Variants in SGCD observed in about 807,000 individuals in gnomAD.
SGCD encodes the protein delta-sarcoglycan.
In SGCD, 18 loss-of-function variants were observed where a neutral mutation model predicts 36.6. That is an observed-to-expected ratio of 0.49 (90% CI 0.34 to 0.73). The LOEUF (loss-of-function observed/expected upper bound fraction) is 0.73. Ranked by LOEUF, SGCD falls within the 30% of genes least tolerant of loss-of-function variation. The pLI is 0.01. For synonymous variants in SGCD, 133 were observed against 130.6 expected, an observed-to-expected ratio of 1.02 and a Z score of -0.12; for missense variants, 387 against 346.7, an observed-to-expected ratio of 1.12 and a Z score of -0.92.
rs377275826 is a variant in SGCD, at chr5:156,592,535, A to G, written c.383-2397A>G. Among the ~76,000 whole-genome samples, 40 of 151,770 alleles carry G rather than the reference A, an allele frequency of 2.6e-4. No individual in the cohort carries two copies. The South Asian group carries it at 5.2e-3, about 20-fold the overall frequency. On this transcript the variant is annotated intron_variant, in intron 5 of 8. Transcript: ENST00000337851. ...CAGTTTTCTATTTCTCCTTCTCCTC[A>G]CAGATCTTATTTCCTGGCTCTTCCA...
intron 5 of SGCD, among the ~76,000 whole-genome samples, chr5:156,590,170 C>G (rs947297530): frequency 2.0e-5 from 3 of 152,154 alleles, no homozygotes; most frequent in Admixed American, 6.5e-5. Context: ...TTTTGAGAAG[C>G]CAGTTACCCA....
intron 1 of SGCD, among the ~76,000 whole-genome samples, chr5:156,109,764 G>A (rs1428168275): frequency 1.3e-5 from 2 of 151,950 alleles, no homozygotes; most frequent in Non-Finnish European, 2.9e-5. Flanking sequence ...CCACTCATTT[G>A]TGATCCCACA....
At chr5:156,287,271 A>G (rs1332621153) in intron 3 of SGCD, among the ~76,000 whole-genome samples, 1 of 152,146 alleles carries the variant, frequency 6.6e-6, no homozygotes, top group African/African-American at 2.4e-5. Context: ...TATTCAGCAG[A>G]TCTGGAAGGG....
intron 3 of SGCD, among the ~76,000 whole-genome samples, chr5:156,272,429 G>A (rs1329521811): frequency 6.6e-6 from 1 of 152,144 alleles, no homozygotes; most frequent in African/African-American, 2.4e-5. Context: ...TGGTTGATGG[G>A]CACTTACGTC....
At chr5:155,939,166 G>A (rs1757274275) in intron 1 of SGCD, among the ~76,000 whole-genome samples, 1 of 152,094 alleles carries the variant, frequency 6.6e-6, no homozygotes, top group Non-Finnish European at 1.5e-5. Flanking sequence ...AAATAACAAT[G>A]GATTGTATTC....
At chr5:156,072,751 A>G (rs373581656) in intron 1 of SGCD, among the ~76,000 whole-genome samples, 9 of 152,118 alleles carry the variant, frequency 5.9e-5, no homozygotes, top group African/African-American at 2.2e-4. Flanking sequence ...CATTCTCCCC[A>G]TCACTTTCAG....
At chr5:156,393,204 G>A (rs970509841) in intron 3 of SGCD, among the ~76,000 whole-genome samples, 1 of 152,172 alleles carries the variant, frequency 6.6e-6, no homozygotes, top group Non-Finnish European at 1.5e-5. Flanking sequence ...TTGAATAAAT[G>A]AAATGTAATT....
At chr5:155,752,398 C>T in the SGCD span, among the ~76,000 whole-genome samples, 10 of 136,448 alleles carry the variant, frequency 7.3e-5, no homozygotes, top group Non-Finnish European at 8.6e-5. Context: ...TCTGCTTTTC[C>T]TATGATTTCT....
chr5:156,151,827 T>C (rs969453713), intron 3 of SGCD, among the ~76,000 whole-genome samples: 6 of 69,536 alleles, frequency 8.6e-5, no homozygotes, highest in African/African-American at 4.2e-4. Context: ...TCATTTCTTC[T>C]TCTTCTTTTT....
At chr5:156,115,246 G>A (rs529798199) in intron 1 of SGCD, among the ~76,000 whole-genome samples, 101 of 152,194 alleles carry the variant, frequency 6.6e-4, no homozygotes, top group Admixed American at 3.5e-3. Flanking sequence ...ACCACCCTGA[G>A]AGGAGGACTA....
At chr5:156,241,530 A>G (rs1191305465) in intron 3 of SGCD, among the ~76,000 whole-genome samples, 9 of 152,164 alleles carry the variant, frequency 5.9e-5, no homozygotes. Context: ...AGCAGCTAGG[A>G]TAGGACATGT....
intron 4 of SGCD, among the ~76,000 whole-genome samples, chr5:156,519,910 T>C (rs1206772564): frequency 1.3e-5 from 2 of 152,144 alleles, no homozygotes; most frequent in African/African-American, 4.8e-5. Context: ...GCCAATATTA[T>C]ATTGAATGGG....
At chr5:156,564,814 A>G (rs1267783454) in intron 4 of SGCD, among the ~76,000 whole-genome samples, 1 of 152,156 alleles carries the variant, frequency 6.6e-6, no homozygotes, top group Non-Finnish European at 1.5e-5. Context: ...ATGATGTAGC[A>G]TGTGTCATAA....
intron 4 of SGCD, 66 bp downstream of exon 4, chr5:156,508,768 CT>C (rs1457156264): frequency 1.5e-5 from 14 of 948,728 alleles, no homozygotes; most frequent in Non-Finnish European, 1.1e-5. Flanking sequence ...AGGAATTGAT[CT>C]TGCTATCAGC....
chr5:155,785,502 A>AC, the SGCD span, among the ~76,000 whole-genome samples: 1 of 152,120 alleles, frequency 6.6e-6, no homozygotes, highest in Non-Finnish European at 1.5e-5. Flanking sequence ...GTAATAGGAC[A>AC]CCAGAACTTC....
chr5:156,353,259 A>C (rs971022036), intron 3 of SGCD, among the ~76,000 whole-genome samples: 7 of 152,222 alleles, frequency 4.6e-5, no homozygotes, highest in Non-Finnish European at 8.8e-5. Flanking sequence ...ATGAATAGGC[A>C]GTCACTTTAA....
rs147883113 is a variant in SGCD, at chr5:156,061,275, C to T, written c.-281-56603C>T. 6.0e-3 allele frequency among the ~76,000 whole-genome samples: 877 copies of T among 145,058 alleles called. 62 individuals carry two copies. Among genetic ancestry groups the T allele is most frequent in the African/African-American group, 0.021 (838 of 40,406 alleles). On this transcript the variant is annotated intron_variant, in intron 1 of 9. Transcript: ENST00000517913. Reference sequence around the variant, plus strand: ...TTCTTCAAGGCTAAGAGAATATAAGCGTTGGTCTTTAGCTGAAGATCCTTC... The same window carrying T: ...TTCTTCAAGGCTAAGAGAATATAAGTGTTGGTCTTTAGCTGAAGATCCTTC...
intron 1 of SGCD, among the ~76,000 whole-genome samples, chr5:155,883,224 A>G (rs1755928043): frequency 6.6e-6 from 1 of 152,210 alleles, no homozygotes; most frequent in Non-Finnish European, 1.5e-5. Context: ...CTCCATATCA[A>G]CAGTAAGACT....
Position 155,982,259 on chromosome 5 carries a change from A to C in SGCD, c.-282+111835A>C, listed in dbSNP as rs536313000. ...GGGGCATGAGGGCAGGGCTTTGTCT[A>C]CTTTTCCCTGATAAGTATTGCATCC... On this transcript the variant is annotated intron_variant, in intron 1 of 9. Transcript: ENST00000517913. 1.3e-3 allele frequency among the ~76,000 whole-genome samples: 197 copies of C among 152,228 alleles called. 1 individual carries two copies. Among genetic ancestry groups the C allele is most frequent in the African/African-American group, 4.4e-3 (184 of 41,558 alleles).
Sources: allele counts gnomAD v4.1 joint callset (sites outside exome capture counted in the v4.1 genomes callset), GRCh38; gene constraint gnomAD v4.1.1; transcripts MANE v1.5; gene names NCBI Gene and HGNC (gene_info 2026-07-23, HGNC 2026-07-21).